Variants in KAZN observed in about 807,000 individuals in gnomAD.
KAZN encodes the protein kazrin, periplakin interacting protein.
Under a neutral mutation model 87.4 loss-of-function variants are expected in KAZN, and 40 were observed. That is an observed-to-expected ratio of 0.46 (90% CI 0.36 to 0.60). The LOEUF (loss-of-function observed/expected upper bound fraction) is 0.60. Among genes scored for constraint, KAZN ranks in the 20% least tolerant of loss-of-function variants. The pLI, the probability that KAZN is intolerant of heterozygous loss-of-function variation, is 0.00. For missense variants in KAZN, 898 were observed against 1,073.9 expected, an observed-to-expected ratio of 0.84 and a Z score of 2.29; for synonymous variants, 466 against 458.3, an observed-to-expected ratio of 1.02 and a Z score of -0.22.
intron 2 of KAZN, among the ~76,000 whole-genome samples, chr1:14,524,732 A>T (rs749084150): frequency 6.6e-6 from 1 of 152,168 alleles, no homozygotes; most frequent in Non-Finnish European, 1.5e-5. Flanking sequence ...CTCAAGAGTG[A>T]GAAGCTGAAA....
intron 1 of KAZN, among the ~76,000 whole-genome samples, chr1:13,905,231 G>A (rs1316767901): frequency 5.9e-5 from 9 of 152,160 alleles, no homozygotes; most frequent in Non-Finnish European, 1.2e-4. Context: ...GCACTCCTGA[G>A]TACATTTCTT....
chr1:14,779,268 A>G (rs56206716), intron 1 of KAZN, among the ~76,000 whole-genome samples: 5,816 of 152,294 alleles, frequency 0.038, 210 homozygotes, highest in Admixed American at 0.12. Context: ...TTCCCAGATT[A>G]GTTTGGCAAA....
chr1:14,636,205 C>A (rs1679973173), intron 1 of KAZN, among the ~76,000 whole-genome samples: 1 of 152,188 alleles, frequency 6.6e-6, no homozygotes, highest in Non-Finnish European at 1.5e-5. Context: ...CAAGGCACCT[C>A]CGTCTCTTGG....
chr1:15,030,525 T>A (rs1334770559), intron 2 of KAZN, among the ~76,000 whole-genome samples: 1 of 152,184 alleles, frequency 6.6e-6, no homozygotes. Flanking sequence ...CCTCTCAAAG[T>A]GCTGGGATTA....
intron 1 of KAZN, among the ~76,000 whole-genome samples, chr1:14,660,467 C>G (rs1046742065): frequency 6.7e-6 from 1 of 148,416 alleles, no homozygotes; most frequent in African/African-American, 2.5e-5. Context: ...CATCACAGAT[C>G]TTTTGCACCC....
At chr1:14,375,290 T>C (rs368967027) in intron 2 of KAZN, among the ~76,000 whole-genome samples, 3 of 152,202 alleles carry the variant, frequency 2.0e-5, no homozygotes, top group Admixed American at 6.5e-5. Flanking sequence ...GCCAAACCAC[T>C]AGGAAGGCCC....
chr1:14,237,632 G>A (rs1219889119), intron 2 of KAZN, among the ~76,000 whole-genome samples: 6 of 152,128 alleles, frequency 3.9e-5, no homozygotes, highest in African/African-American at 1.4e-4. Context: ...ATAGGTTGGT[G>A]TAATCAATAT....
intron 2 of KAZN, among the ~76,000 whole-genome samples, chr1:14,585,241 C>T (rs1675783025): frequency 6.6e-6 from 1 of 152,166 alleles, no homozygotes; most frequent in South Asian, 2.1e-4. Context: ...GGTTGCCTAG[C>T]AAAGTACTAC....
chr1:14,273,912 G>A (rs539269041), intron 2 of KAZN, among the ~76,000 whole-genome samples: 20 of 152,176 alleles, frequency 1.3e-4, no homozygotes, highest in African/African-American at 4.3e-4. Flanking sequence ...GAAAGTAACA[G>A]ATTCAAAATA....
intron 2 of KAZN, among the ~76,000 whole-genome samples, chr1:14,420,772 C>T (rs911781739): frequency 1.3e-5 from 2 of 152,254 alleles, no homozygotes; most frequent in African/African-American, 4.8e-5. Flanking sequence ...TGCCCGGGGC[C>T]GGCGGCACCA....
At chr1:13,990,625 T>C (rs1236636187) in intron 1 of KAZN, among the ~76,000 whole-genome samples, 1 of 152,204 alleles carries the variant, frequency 6.6e-6, no homozygotes, top group Non-Finnish European at 1.5e-5. Flanking sequence ...TGCACACATT[T>C]GTTAAAACTC....
At chr1:14,018,968 C>T (rs1640698089) in intron 1 of KAZN, among the ~76,000 whole-genome samples, 2 of 152,128 alleles carry the variant, frequency 1.3e-5, no homozygotes, top group African/African-American at 2.4e-5. Context: ...TGAGCCAAGG[C>T]CCCTAATAAA....
chr1:14,229,533 GTTTCC>G (rs1647611071), intron 2 of KAZN, among the ~76,000 whole-genome samples: 1 of 152,308 alleles, frequency 6.6e-6, no homozygotes, highest in African/African-American at 2.4e-5. Context: ...TCATATTCCT[GTTTCC>G]TTTCGGACCA....
intron 10 of KAZN, among the ~76,000 whole-genome samples, chr1:15,101,324 A>C (rs1641060015): frequency 5.2e-5 from 7 of 135,640 alleles, no homozygotes; most frequent in Non-Finnish European, 8.0e-5. Context: ...TCCTCCATCC[A>C]CCTCTTTCAC....
chr1:14,462,563 A>T (rs564778013), intron 2 of KAZN, among the ~76,000 whole-genome samples: 19 of 152,072 alleles, frequency 1.2e-4, no homozygotes, highest in Non-Finnish European at 2.5e-4. Context: ...CCAGTGTACT[A>T]GTTTGTTCTC....
intron 2 of KAZN, among the ~76,000 whole-genome samples, chr1:14,253,476 A>T (rs1295059790): frequency 2.0e-5 from 3 of 152,210 alleles, no homozygotes; most frequent in Non-Finnish European, 2.9e-5. Flanking sequence ...TTAATATATA[A>T]TTGTCCATAG....
intron 2 of KAZN, among the ~76,000 whole-genome samples, chr1:14,991,322 T>C (rs1667338925): frequency 1.4e-5 from 2 of 147,890 alleles, no homozygotes; most frequent in Admixed American, 6.8e-5. Context: ...ACCACTGCAC[T>C]CCAGCCTGGT....
chr1:14,541,478 G>C (rs1326043379), intron 2 of KAZN, among the ~76,000 whole-genome samples: 1 of 152,190 alleles, frequency 6.6e-6, no homozygotes, highest in East Asian at 1.9e-4. Context: ...ATTTTCCAGA[G>C]AGGCAGTGTG....
In KAZN at chr1:14,996,797, C is replaced by G. The variant is rs1667913384; in HGVS notation, c.418+35922C>G. On this transcript the variant is annotated intron_variant, in intron 2 of 14. Coordinates refer to ENST00000376030, the MANE Select transcript of KAZN (RefSeq NM_201628.3). The surrounding 1 kb of genome is among the most constrained non-coding windows in gnomAD (Gnocchi z 5.9). The stretch of plus-strand genomic sequence containing the variant: ...TGCAGGAAGACACACCACGGAGCCT[C>G]CCCGCTCCTGGTGCTCCAGGGCCTG... 6.6e-6 allele frequency among the ~76,000 whole-genome samples: 1 copy of G among 152,328 alleles called. No individual in the cohort carries two copies. Among genetic ancestry groups the G allele is most frequent in the East Asian group, 1.9e-4 (1 of 5,186 alleles).
Sources: gnomAD v4.1 joint callset for allele counts (sites outside exome capture counted in the v4.1 genomes callset) on GRCh38, gnomAD v4.1.1 for gene constraint, Gnocchi (gnomAD v3.1) non-coding constraint, MANE v1.5 for transcripts, NCBI Gene and HGNC (gene_info 2026-07-23, HGNC 2026-07-21) for gene names.